ZC3HAV1: variants seen among roughly 807,000 people sequenced by gnomAD.
ZC3HAV1 encodes zinc finger CCCH-type antiviral protein 1.
ZC3HAV1 carries 41 observed loss-of-function variants against 86.6 expected under a neutral mutation model. The ratio of observed to expected loss-of-function variants is 0.47; its 90% CI spans 0.37 to 0.61. The LOEUF is 0.61. ZC3HAV1 is among the 20% of genes least tolerant of loss of function. The pLI, the probability that ZC3HAV1 is intolerant of heterozygous loss-of-function variation, is 0.00. For missense variants in ZC3HAV1, 964 were observed against 1,141.1 expected (o/e 0.84, Z 2.24); for synonymous variants, 421 against 432.1 (o/e 0.97, Z 0.32).
intron 1 of ZC3HAV1, among the ~76,000 whole-genome samples, chr7:139,090,606 TCTC>T (rs529318421): frequency 9.3e-4 from 141 of 152,320 alleles, no homozygotes; most frequent in African/African-American, 3.2e-3. Context: ...TTTTAATAGT[TCTC>T]CTTCATTTCC....
intron 2 of ZC3HAV1, among the ~76,000 whole-genome samples, chr7:139,086,086 G>T (rs1817266983): frequency 6.6e-6 from 1 of 151,570 alleles, no homozygotes; most frequent in Non-Finnish European, 1.5e-5. Flanking sequence ...TCCATCTTTA[G>T]AGAGCCATCC....
At chr7:139,103,257 A>G (rs1817829895) in intron 1 of ZC3HAV1, among the ~76,000 whole-genome samples, 1 of 148,198 alleles carries the variant, frequency 6.7e-6, no homozygotes, top group African/African-American at 2.5e-5. Context: ...CTTGTTTTTT[A>G]TTTTTTTATT....
At chr7:139,083,376 C>T (rs540335790) in intron 3 of ZC3HAV1, among the ~76,000 whole-genome samples, 3 of 152,082 alleles carry the variant, frequency 2.0e-5, no homozygotes, top group Middle Eastern at 3.4e-3. Flanking sequence ...GAGTTTTACA[C>T]GGCAAGGTAG....
chr7:139,057,783 G>A lies in ZC3HAV1; in HGVS notation c.2097-2488C>T, dbSNP rs1173520633. Among the ~76,000 whole-genome samples the A allele has an allele frequency of 2.7e-4, 6 of 21,882 alleles. 1 individual carries two copies. The highest frequency in any genetic ancestry group is 1.5e-3 in the Admixed American group (4 of 2,648). 14.4% of individuals were successfully genotyped at this position (21,882 alleles called of 152,430 possible). A position where few individuals can be genotyped will look rare whatever the true frequency, so the allele number is the denominator to read the frequency against. On this transcript the variant is annotated intron_variant, in intron 9 of 12. Transcript: ENST00000242351. ...TCTCGATCTCCTGACCTCGTGATCC[G>A]CCCACCTCAGCCTCCCACAGTGCTG... is the stretch of plus-strand genomic sequence containing the variant.
intron 9 of ZC3HAV1, chr7:139,060,289 T>A (rs1191363067): frequency 2.0e-6 from 2 of 985,290 alleles, no homozygotes. Context: ...TTGAAGCCTG[T>A]TTTATGTAAT....
intron 7 of ZC3HAV1, among the ~76,000 whole-genome samples, chr7:139,068,250 G>C (rs1468073192): frequency 1.3e-5 from 2 of 151,758 alleles, no homozygotes; most frequent in African/African-American, 2.4e-5. Flanking sequence ...AGTAGAGACG[G>C]GGTTTCACCA....
In ZC3HAV1 at chr7:139,055,280, CTTT is replaced by C; in HGVS notation, c.2109_2111del (p.Lys704del). 1 of 1,612,890 alleles carries C rather than the reference CTTT, an allele frequency of 6.2e-7. No homozygotes were observed. The highest frequency in any genetic ancestry group is 1.1e-5 in the South Asian group (1 of 90,796). On this transcript the variant is annotated inframe_deletion, in exon 10 of 13. Transcript: ENST00000242351. ...TCGCAGTTAAAGACACTGACGAGGT[CTTT>C]GCTGGCTGATGGCTACAAATAAAGA...
At chr7:139,078,031 G>A (rs988333316) in intron 5 of ZC3HAV1, among the ~76,000 whole-genome samples, 3 of 152,178 alleles carry the variant, frequency 2.0e-5, no homozygotes, top group African/African-American at 4.8e-5. Flanking sequence ...TTGAGGTCAG[G>A]AGTTCAAGAC....
At chr7:139,084,351 A>G (rs1260018556) in intron 2 of ZC3HAV1, among the ~76,000 whole-genome samples, 1 of 152,246 alleles carries the variant, frequency 6.6e-6, no homozygotes, top group African/African-American at 2.4e-5. Flanking sequence ...AGGAAGGCTC[A>G]TCTTTGGTTA....
intron 4 of ZC3HAV1, 146 bp downstream of exon 4, chr7:139,079,324 T>G: frequency 6.5e-7 from 1 of 1,549,268 alleles, no homozygotes; most frequent in South Asian, 1.2e-5. Flanking sequence ...GTAACATATC[T>G]TTTTCTGCCT....
chr7:139,068,248 C>T (rs191220291), intron 7 of ZC3HAV1, among the ~76,000 whole-genome samples: 18 of 151,802 alleles, frequency 1.2e-4, no homozygotes, highest in Admixed American at 3.3e-4. Context: ...TTAGTAGAGA[C>T]GGGGTTTCAC....
rs1815892677 is a variant in ZC3HAV1 at position 139,044,123 on chromosome 7, T to C, written c.*3471A>G. ...AGGACCTACAGCTTGTCCGAGAGAG[T>C]AACTCATTTGTTTTCTCTGAGACAA... On this transcript the variant is annotated 3_prime_UTR_variant, in exon 13 of 13. Transcript: ENST00000242351. The C allele has an allele frequency of 6.6e-6, 1 of 152,192 alleles. No individual in the cohort carries two copies. The highest frequency in any genetic ancestry group is 2.4e-5 in the African/African-American group (1 of 41,448). 9.4% of individuals were successfully genotyped at this position (152,192 alleles called of 1,614,324 possible). A position where few individuals can be genotyped will look rare whatever the true frequency, so the allele number is the denominator to read the frequency against.
Position 139,097,411 on chromosome 7 carries a change from T to TAC in ZC3HAV1, c.309-7653_309-7652insGT. Among the ~76,000 whole-genome samples, 2 of 79,464 alleles carry TAC rather than the reference T, an allele frequency of 2.5e-5. 1 individual carries two copies. 52.1% of individuals were successfully genotyped at this position (79,464 alleles called of 152,430 possible). On this transcript the variant is annotated intron_variant, in intron 1 of 12. Coordinates refer to ENST00000242351, the MANE Select transcript of ZC3HAV1 (RefSeq NM_020119.4). ...CAAATATTGGAACTCCATATATATA[T>TAC]ATATATATATATATATATTTTTTTT...
rs368982868 is a variant in ZC3HAV1, at chr7:139,053,464, G to C, written c.2436C>G (p.Asn812Lys). 2.0e-5 allele frequency: 32 copies of C among 1,595,860 alleles called. No individual in the cohort carries two copies. The highest frequency in any genetic ancestry group is 2.7e-5 in the Non-Finnish European group (32 of 1,172,862). Residue 812 changes from asparagine to lysine, a missense_variant, in exon 12 of 13, where the codon AAC (asparagine) becomes AAG (lysine). Transcript: ENST00000242351. ...FDSFLHETHE[N>K]KYGKGIYFAK... ...CCCGGCACTAACCTTTTCCGTATTT[G>C]TTTTCATGAGTTTCATGTAGGAAAC...
rs892102803 is a variant in ZC3HAV1, at chr7:139,045,901, A to G, written c.*1693T>C. Reference sequence around the variant, plus strand: ...AAAATAACTCTACTCTAAAAAAACTATTTTTTTTTTTTTTTTTTTTTTTTT... The same window carrying G: ...AAAATAACTCTACTCTAAAAAAACTGTTTTTTTTTTTTTTTTTTTTTTTTT... On this transcript the variant is annotated 3_prime_UTR_variant, in exon 13 of 13. Transcript: ENST00000242351. The G allele has an allele frequency of 2.0e-5, 2 of 98,920 alleles. No homozygotes were observed. The highest frequency in any genetic ancestry group is 4.0e-5 in the African/African-American group (1 of 24,740). 6.1% of individuals were successfully genotyped at this position (98,920 alleles called of 1,614,324 possible). A position where few individuals can be genotyped will look rare whatever the true frequency, so the allele number is the denominator to read the frequency against.
chr7:139,072,331 C>T (rs1210666142), intron 7 of ZC3HAV1, among the ~76,000 whole-genome samples: 2 of 151,850 alleles, frequency 1.3e-5, no homozygotes, highest in African/African-American at 2.4e-5. Context: ...ATTACAAGCA[C>T]GCGCCACCAC....
intron 9 of ZC3HAV1, among the ~76,000 whole-genome samples, chr7:139,057,276 T>G (rs1179174647): frequency 1.3e-5 from 2 of 150,962 alleles, no homozygotes; most frequent in African/African-American, 2.4e-5. Flanking sequence ...GAGAATCACA[T>G]GAATCCAGGT....
At chr7:139,065,070 G>A (rs1254997893) in intron 7 of ZC3HAV1, 71 bp from the exon 8 acceptor site, 19 of 1,588,762 alleles carry the variant, frequency 1.2e-5, no homozygotes, top group South Asian at 4.5e-5. Flanking sequence ...ATATGATTTC[G>A]TTTTAGCAAT....
chr7:139,082,483 A>C (rs915739144), intron 3 of ZC3HAV1, among the ~76,000 whole-genome samples: 15 of 152,172 alleles, frequency 9.9e-5, no homozygotes, highest in African/African-American at 3.6e-4. Context: ...TGATCCAGCA[A>C]TTCTACTTCT....
Sources: gnomAD v4.1 joint callset for allele counts (sites outside exome capture counted in the v4.1 genomes callset) on GRCh38, gnomAD v4.1.1 for gene constraint, MANE v1.5 for transcripts, NCBI Gene and HGNC (gene_info 2026-07-23, HGNC 2026-07-21) for gene names.